Variants in FEZ2 observed in about 807,000 individuals in gnomAD.
FEZ2 encodes fasciculation and elongation protein zeta-2.
FEZ2 carries 51 observed loss-of-function variants against 40.4 expected under a neutral mutation model. That is an observed-to-expected ratio of 1.26 (90% CI 1.01 to 1.59). The LOEUF is 1.59. Among genes scored for constraint, FEZ2 ranks in the 40% most tolerant of loss-of-function variants. FEZ2 has a pLI of 0.00. For missense variants in FEZ2, 640 were observed against 438.3 expected (o/e 1.46, Z -4.11); for synonymous variants, 242 against 172.0 (o/e 1.41, Z -3.18).
chr2:36,589,575 C>A (rs1669006194), intron 2 of FEZ2: 2 of 152,304 alleles, frequency 1.3e-5, no homozygotes, highest in South Asian at 4.1e-4. Flanking sequence ...TTGAACTAAG[C>A]CCAAAATGAT....
intron 3 of FEZ2, among the ~76,000 whole-genome samples, chr2:36,581,894 T>G (rs559547954): frequency 6.6e-6 from 1 of 152,154 alleles, no homozygotes; most frequent in African/African-American, 2.4e-5. Context: ...ACAAAAAAAG[T>G]ATATATAAAT....
Position 36,555,577 on chromosome 2 carries a change from A to G in FEZ2, c.1045+106T>C, listed in dbSNP as rs79182732. The stretch of plus-strand genomic sequence containing the variant: ...CTCACCCTGCATAATAAGATTAATG[A>G]AAGTTGTGCATTGGGAAGTTACTGT... On this transcript the variant is annotated intron_variant, in intron 7 of 7. Coordinates refer to ENST00000405912, the MANE Select transcript of FEZ2 (RefSeq NM_005102.3). The G allele has an allele frequency of 2.2e-3, 1,242 of 554,122 alleles. 12 individuals carry two copies. Among genetic ancestry groups the G allele is most frequent in the African/African-American group, 0.022 (1,121 of 51,706 alleles). 34.3% of individuals were successfully genotyped at this position (554,122 alleles called of 1,614,324 possible).
intron 6 of FEZ2, 69 bp from the exon 7 acceptor site, chr2:36,555,817 A>G: frequency 1.1e-6 from 1 of 895,890 alleles, no homozygotes; most frequent in Non-Finnish European, 1.7e-6. Context: ...TTTAATTTCA[A>G]TCATTGTGGC....
At chr2:36,597,378 G>T (rs1669257475) in intron 1 of FEZ2, among the ~76,000 whole-genome samples, 1 of 152,142 alleles carries the variant, frequency 6.6e-6, no homozygotes, top group East Asian at 1.9e-4. Context: ...CCATTGCAGC[G>T]CTAATTACAT....
At chr2:36,584,328 CAGGACTGCTAA>C (rs1490954972) in intron 2 of FEZ2, among the ~76,000 whole-genome samples, 1 of 152,182 alleles carries the variant, frequency 6.6e-6, no homozygotes, top group Non-Finnish European at 1.5e-5. Context: ...TCTTCATGCC[CAGGACTGCTAA>C]AGTACCAGTT....
intron 2 of FEZ2, among the ~76,000 whole-genome samples, chr2:36,586,851 C>T (rs978140757): frequency 1.3e-5 from 2 of 151,650 alleles, no homozygotes; most frequent in South Asian, 2.1e-4. Flanking sequence ...GAAGCTGGAG[C>T]GGGAAGATCG....
chr2:36,574,767 T>C (rs958147364), intron 5 of FEZ2, among the ~76,000 whole-genome samples: 1 of 152,150 alleles, frequency 6.6e-6, no homozygotes, highest in Admixed American at 6.5e-5. Flanking sequence ...AAGAAATACA[T>C]GTAGGTCACC....
chr2:36,556,848 T>C (rs1414242243), intron 6 of FEZ2: 2 of 152,218 alleles, frequency 1.3e-5, no homozygotes, highest in East Asian at 3.8e-4. Context: ...TAATAGCTTT[T>C]ATCAGGAAGA....
At chr2:36,584,765 C>G (rs1321678785) in intron 2 of FEZ2, among the ~76,000 whole-genome samples, 1 of 152,178 alleles carries the variant, frequency 6.6e-6, no homozygotes, top group Non-Finnish European at 1.5e-5. Context: ...GATGTAGGTT[C>G]CTACTGCTTC....
chr2:36,573,715 C>T (rs1250696626), intron 5 of FEZ2, among the ~76,000 whole-genome samples: 1 of 152,304 alleles, frequency 6.6e-6, no homozygotes, highest in South Asian at 2.1e-4. Context: ...AGTATGTGTA[C>T]CCTCACAAAT....
In FEZ2 at chr2:36,552,771, A is replaced by G. The variant is rs1667850141; in HGVS notation, c.*392T>C. On this transcript the variant is annotated 3_prime_UTR_variant, in exon 8 of 8. Coordinates refer to ENST00000405912, the MANE Select transcript of FEZ2 (RefSeq NM_005102.3). ...CAAAAAAACAGTGTTGGTTCTTGCC[A>G]TCACTGAATTTATAGTATAAATCTC... 9.8e-6 allele frequency: 2 copies of G among 204,384 alleles called. No homozygotes were observed. The highest frequency in any genetic ancestry group is 2.0e-5 in the Non-Finnish European group (2 of 101,368). 12.7% of individuals were successfully genotyped at this position (204,384 alleles called of 1,614,324 possible). A position where few individuals can be genotyped will look rare whatever the true frequency, so the allele number is the denominator to read the frequency against.
intron 1 of FEZ2, chr2:36,594,685 C>G (rs568497270): frequency 1.3e-5 from 2 of 152,846 alleles, no homozygotes; most frequent in African/African-American, 2.4e-5. Flanking sequence ...ACAGCCAAAC[C>G]GTATCACTGA....
At chr2:36,589,174 G>A (rs186715297) in intron 2 of FEZ2, among the ~76,000 whole-genome samples, 2 of 152,234 alleles carry the variant, frequency 1.3e-5, no homozygotes, top group Admixed American at 6.5e-5. Context: ...AATACCTGCC[G>A]GGAAGTCACA....
intron 2 of FEZ2, chr2:36,583,921 A>G (rs1668829716): frequency 6.3e-6 from 1 of 158,300 alleles, no homozygotes; most frequent in Non-Finnish European, 1.4e-5. Context: ...TCTGTCCATG[A>G]GCGTCACACT....
chr2:36,579,504 GAC>G (rs1458328830), intron 4 of FEZ2, among the ~76,000 whole-genome samples: 1 of 151,968 alleles, frequency 6.6e-6, no homozygotes, highest in Non-Finnish European at 1.5e-5. Context: ...CTGTTCTCAT[GAC>G]AGAGTTCTTA....
At chr2:36,561,974 C>G (rs557322205) in intron 5 of FEZ2, among the ~76,000 whole-genome samples, 1 of 152,324 alleles carries the variant, frequency 6.6e-6, no homozygotes. Context: ...CCCTGAAATC[C>G]TCTCAGGAGT....
chr2:36,596,266 C>T (rs953076643), intron 1 of FEZ2, among the ~76,000 whole-genome samples: 2 of 152,198 alleles, frequency 1.3e-5, no homozygotes, highest in African/African-American at 2.4e-5. Flanking sequence ...TGTTTACAGG[C>T]CCCACTCCCA....
In FEZ2 at chr2:36,578,681, G is replaced by C. The variant is rs1396613405; in HGVS notation, c.819C>G (p.His273Gln). ...LIEVQNKQKE[H>Q]KETAKKKKKL... Reference sequence around the variant, plus strand: ...TCTTTTTCTTTTTTGCTGTTTCTTTGTGCTCTTTCTGTTTGTTTTGCACTT... The same window carrying C: ...TCTTTTTCTTTTTTGCTGTTTCTTTCTGCTCTTTCTGTTTGTTTTGCACTT... The change falls in exon 5 of 8, where the codon CAC becomes CAG. Residue 273 changes from histidine to glutamine, a missense_variant. By Grantham distance (24) the His-to-Gln change is conservative. Transcript: ENST00000405912. 1 of 1,613,486 alleles carries C rather than the reference G, an allele frequency of 6.2e-7. No individual in the cohort carries two copies. Among genetic ancestry groups the C allele is most frequent in the Non-Finnish European group, 8.5e-7 (1 of 1,179,778 alleles).
At chr2:36,596,697 G>T (rs927995501) in intron 1 of FEZ2, among the ~76,000 whole-genome samples, 1 of 152,104 alleles carries the variant, frequency 6.6e-6, no homozygotes, top group Non-Finnish European at 1.5e-5. Flanking sequence ...CGAACTGCTG[G>T]AAGCAAGCCA....
Sources: gnomAD v4.1 joint callset for allele counts (sites outside exome capture counted in the v4.1 genomes callset) on GRCh38, gnomAD v4.1.1 for gene constraint, MANE v1.5 for transcripts, NCBI Gene and HGNC (gene_info 2026-07-23, HGNC 2026-07-21) for gene names.